Variants in PHF21B observed in about 807,000 individuals in gnomAD.
PHF21B encodes the protein PHD finger protein 4.
In PHF21B, 22 loss-of-function variants were observed where a neutral mutation model predicts 62.2. The ratio of observed to expected loss-of-function variants is 0.35; its 90% confidence interval spans 0.25 to 0.51. PHF21B has a LOEUF of 0.51. PHF21B is among the 20% of genes least tolerant of loss of function. PHF21B has a pLI of 0.97. For synonymous variants in PHF21B, 341 were observed against 314.7 expected, an observed-to-expected ratio of 1.08 and a Z score of -0.88; for missense variants, 701 against 707.9, an observed-to-expected ratio of 0.99 and a Z score of 0.11.
At chr22:44,973,597 T>TTA (rs1670073116) in intron 2 of PHF21B, among the ~76,000 whole-genome samples, 1 of 152,128 alleles carries the variant, frequency 6.6e-6, no homozygotes, top group African/African-American at 2.4e-5. Flanking sequence ...GGGCACACTT[T>TTA]TATAAGGCTT....
chr22:44,907,597 A>G (rs544432130), intron 5 of PHF21B, among the ~76,000 whole-genome samples: 1 of 152,330 alleles, frequency 6.6e-6, no homozygotes, highest in East Asian at 1.9e-4. Context: ...TCAGCCACAC[A>G]CAAAAGGACA....
intron 2 of PHF21B, among the ~76,000 whole-genome samples, chr22:44,956,562 G>A (rs1303751541): frequency 1.3e-5 from 2 of 152,158 alleles, no homozygotes; most frequent in Non-Finnish European, 2.9e-5. Flanking sequence ...CAGAAATACT[G>A]GGATTTATCA....
chr22:44,890,245 C>T (rs78583675), intron 8 of PHF21B, among the ~76,000 whole-genome samples: 8,348 of 152,202 alleles, frequency 0.055, 262 homozygotes, highest in South Asian at 0.087. Context: ...GTGAGCTGCC[C>T]GGGGGGAAGG....
intron 3 of PHF21B, among the ~76,000 whole-genome samples, chr22:44,918,737 A>C (rs1306146564): frequency 1.3e-5 from 2 of 152,246 alleles, no homozygotes; most frequent in African/African-American, 2.4e-5. Flanking sequence ...TTTGTGGGGC[A>C]GAGACAGCAA....
intron 2 of PHF21B, among the ~76,000 whole-genome samples, chr22:44,955,225 G>A (rs751333542): frequency 1.3e-5 from 2 of 152,174 alleles, no homozygotes; most frequent in African/African-American, 2.4e-5. Flanking sequence ...CCTGGGAGGA[G>A]CACACAGCAC....
rs754141177 is a variant in PHF21B at position 44,916,538 on chromosome 22, G to A, written c.306C>T (p.Thr102=). The part of the protein sequence containing the change: ...PKQPPTFQKA[T]VVSVKNPSPA... ...GGCTGGGGTTCTTGACGCTGACCAC[G>A]GTGGCCTTCTGGAATGTTGGGGGCT... Residue 102 remains threonine, a synonymous_variant, in exon 4 of 13, where the codon ACC becomes ACT. Transcript: ENST00000313237. 2.5e-5 allele frequency: 40 copies of A among 1,609,466 alleles called. No homozygotes were observed. The South Asian group carries it at 2.9e-4, about 11-fold the overall frequency.
intron 2 of PHF21B, among the ~76,000 whole-genome samples, chr22:44,959,043 G>A (rs1021241794): frequency 4.6e-5 from 7 of 152,240 alleles, no homozygotes; most frequent in Admixed American, 4.6e-4. Context: ...ATGGTATACT[G>A]CCTGATTTCT....
At chr22:44,943,543 C>A (rs889493821) in intron 2 of PHF21B, among the ~76,000 whole-genome samples, 1 of 152,172 alleles carries the variant, frequency 6.6e-6, no homozygotes. Flanking sequence ...CGTGGGGACA[C>A]GGGCAGCTGC....
intron 2 of PHF21B, among the ~76,000 whole-genome samples, chr22:44,963,710 A>T (rs1463854423): frequency 1.3e-5 from 2 of 152,218 alleles, no homozygotes; most frequent in Non-Finnish European, 2.9e-5. Flanking sequence ...GTCCCATGCC[A>T]GGCCCAGCAC....
Position 44,887,995 on chromosome 22 carries a change from C to A in PHF21B, c.1165G>T (p.Gly389Cys). 1 of 1,569,828 alleles carries A rather than the reference C, an allele frequency of 6.4e-7. No homozygotes were observed. Among genetic ancestry groups the A allele is most frequent in the Non-Finnish European group, 8.6e-7 (1 of 1,158,542 alleles). Residue 389 changes from glycine (G) to cysteine (C), a missense_variant, in exon 10 of 13, where the codon GGC (glycine) becomes TGC (cysteine). Transcript: ENST00000313237. ...LEPPLKTAPK[G>C]VWVCPRCQQK... ...TGGCACCTGGGGCACACCCACACGC[C>A]CTTGGGCGCCGTCTTGAGGGGCGGC...
At chr22:44,905,459 TTAAA>T (rs2071231549) in intron 5 of PHF21B, among the ~76,000 whole-genome samples, 1 of 152,244 alleles carries the variant, frequency 6.6e-6, no homozygotes, top group Admixed American at 6.5e-5. Context: ...TTTGTGGATC[TTAAA>T]TACACTTATT....
At chr22:44,918,569 T>C (rs1186454019) in intron 3 of PHF21B, among the ~76,000 whole-genome samples, 1 of 152,194 alleles carries the variant, frequency 6.6e-6, no homozygotes, top group East Asian at 1.9e-4. Flanking sequence ...AGATCTGCAG[T>C]CACCCTGCCA....
At chr22:44,982,422 C>G (rs1026219639) in intron 2 of PHF21B, among the ~76,000 whole-genome samples, 3 of 152,218 alleles carry the variant, frequency 2.0e-5, no homozygotes, top group Non-Finnish European at 2.9e-5. Flanking sequence ...AACCCTTCCA[C>G]AGATGAGAAA....
At chr22:44,930,403 A>G (rs1337571258) in intron 2 of PHF21B, among the ~76,000 whole-genome samples, 1 of 152,232 alleles carries the variant, frequency 6.6e-6, no homozygotes, top group Non-Finnish European at 1.5e-5. Context: ...GGCCCTTTGT[A>G]TATTTTATAA....
intron 2 of PHF21B, among the ~76,000 whole-genome samples, chr22:44,924,065 AGGGAGGGG>A (rs1201181554): frequency 1.6e-4 from 3 of 18,522 alleles, no homozygotes; most frequent in South Asian, 2.6e-3. Flanking sequence ...GGAGGGAGGG[AGGGAGGGG>A]AGGGAAGAGG....
At chr22:44,945,494 G>A (rs886183294) in intron 2 of PHF21B, among the ~76,000 whole-genome samples, 3 of 152,146 alleles carry the variant, frequency 2.0e-5, no homozygotes, top group South Asian at 2.1e-4. Flanking sequence ...TTGAGTGCAC[G>A]GGGCCTGTTT....
chr22:44,968,346 G>A (rs2072570376), intron 2 of PHF21B, among the ~76,000 whole-genome samples: 1 of 152,066 alleles, frequency 6.6e-6, no homozygotes, highest in Non-Finnish European at 1.5e-5. Flanking sequence ...TCCCTTATCC[G>A]AAATGCTTGG....
At chr22:44,999,673 G>A (rs535306059) in intron 2 of PHF21B, among the ~76,000 whole-genome samples, 2 of 152,162 alleles carry the variant, frequency 1.3e-5, no homozygotes, top group Non-Finnish European at 2.9e-5. Flanking sequence ...GTGCCATTAC[G>A]CTGTCATTTC....
At chr22:44,896,592 T>C (rs554607735) in intron 5 of PHF21B, among the ~76,000 whole-genome samples, 14 of 152,346 alleles carry the variant, frequency 9.2e-5, no homozygotes, top group Admixed American at 4.6e-4. Flanking sequence ...ATTTGCATCA[T>C]TGGTCCTTTC....
Sources: allele counts gnomAD v4.1 joint callset (sites outside exome capture counted in the v4.1 genomes callset), GRCh38; gene constraint gnomAD v4.1.1; transcripts MANE v1.5; gene names NCBI Gene and HGNC (gene_info 2026-07-23, HGNC 2026-07-21).